TNFRSF21: variants seen among roughly 807,000 people sequenced by gnomAD.
TNFRSF21 encodes the protein tumor necrosis factor receptor superfamily member 21.
In TNFRSF21, 19 loss-of-function variants were observed where a neutral mutation model predicts 45.6. That is an observed-to-expected ratio of 0.42 (90% CI 0.29 to 0.61). The LOEUF is 0.61. Ranked by LOEUF, TNFRSF21 falls within the 20% of genes least tolerant of loss-of-function variation. TNFRSF21 has a pLI of 0.23. For synonymous variants in TNFRSF21, 314 were observed against 335.5 expected (o/e 0.94, Z 0.70); for missense variants, 737 against 851.5 (o/e 0.87, Z 1.67).
intron 3 of TNFRSF21, among the ~76,000 whole-genome samples, chr6:47,256,862 A>C (rs1764996479): frequency 6.6e-6 from 1 of 152,210 alleles, no homozygotes; most frequent in Non-Finnish European, 1.5e-5. Context: ...ACATGAAAAC[A>C]TGACCATGTT....
At chr6:47,292,636 T>C (rs1449813079) in intron 1 of TNFRSF21, among the ~76,000 whole-genome samples, 2 of 152,242 alleles carry the variant, frequency 1.3e-5, no homozygotes, top group East Asian at 3.8e-4. Context: ...TTTAATTGTT[T>C]TAATGTTGCC....
In TNFRSF21 at chr6:47,284,384, A is replaced by G; in HGVS notation, c.797T>C (p.Val266Ala). 6.5e-7 allele frequency: 1 copy of G among 1,534,364 alleles called. No individual in the cohort carries two copies. The highest frequency in any genetic ancestry group is 1.3e-5 in the South Asian group (1 of 76,514). Residue 266 changes from valine (V) to alanine (A), a missense_variant, in exon 3 of 6, where the codon GTA (valine) becomes GCA (alanine). Val to Ala is a moderately conservative substitution (Grantham distance 64). Transcript: ENST00000296861. ...SNSSASVRPK[V>A]LSSIQEGTVP... is the part of the protein sequence containing the mutation. ...TGTCCCTTCCTGGATGCTACTCAGT[A>G]CCTTTGGTCTAACAGAGGCAGAAGA...
chr6:47,279,209 T>G (rs1202765665), intron 3 of TNFRSF21, among the ~76,000 whole-genome samples: 1 of 152,156 alleles, frequency 6.6e-6, no homozygotes, highest in Non-Finnish European at 1.5e-5. Context: ...TCCTACTTTT[T>G]GCAAATAGTT....
At chr6:47,250,612 A>G (rs529281729) in intron 4 of TNFRSF21, among the ~76,000 whole-genome samples, 51 of 152,230 alleles carry the variant, frequency 3.4e-4, no homozygotes, top group African/African-American at 1.2e-3. Context: ...TTGACCATTG[A>G]AAAAAAATAG....
rs147538411 is a variant in TNFRSF21 at position 47,263,222 on chromosome 6, C to T, written c.1244-9701G>A. ...TCCTGAGCAAGTGGAAGACAGGGGA[C>T]CACTTTCTGTGATGGGCAATTGATG... On this transcript the variant is annotated intron_variant, in intron 3 of 5. Coordinates refer to ENST00000296861, the MANE Select transcript of TNFRSF21 (RefSeq NM_014452.5). Among the ~76,000 whole-genome samples, 1,222 of 152,188 alleles carry T rather than the reference C, an allele frequency of 8.0e-3. 9 individuals are homozygous for T. Among genetic ancestry groups the T allele is most frequent in the Middle Eastern group, 0.024 (7 of 294 alleles).
chr6:47,297,775 G>A (rs1488186474), intron 1 of TNFRSF21, among the ~76,000 whole-genome samples: 1 of 151,862 alleles, frequency 6.6e-6, no homozygotes. Flanking sequence ...CGCCTGCCTC[G>A]GCCTCCCAAA....
At chr6:47,266,900 C>T (rs1045785054) in intron 3 of TNFRSF21, among the ~76,000 whole-genome samples, 10 of 152,140 alleles carry the variant, frequency 6.6e-5, no homozygotes, top group African/African-American at 2.4e-4. Flanking sequence ...CACACATCTC[C>T]CAATAAGCAG....
chr6:47,272,812 T>C (rs4543372), intron 3 of TNFRSF21, among the ~76,000 whole-genome samples: 3 of 152,122 alleles, frequency 2.0e-5, no homozygotes, highest in African/African-American at 7.2e-5. Flanking sequence ...ATTGATGCAA[T>C]AAAAAATGAT....
chr6:47,239,535 A>G (rs1336790214), intron 4 of TNFRSF21, among the ~76,000 whole-genome samples: 2 of 152,204 alleles, frequency 1.3e-5, no homozygotes, highest in African/African-American at 4.8e-5. Context: ...AAGATCTGGC[A>G]GCATTCTTGG....
chr6:47,295,562 T>G (rs1329561611), intron 1 of TNFRSF21, among the ~76,000 whole-genome samples: 1 of 152,174 alleles, frequency 6.6e-6, no homozygotes, highest in African/African-American at 2.4e-5. Context: ...TGATAACAGA[T>G]GATCTAAAGG....
intron 5 of TNFRSF21, 32 bp downstream of exon 5, chr6:47,234,628 GGGGTTTAAGT>G (rs1764636010): frequency 1.3e-6 from 2 of 1,503,618 alleles, no homozygotes; most frequent in African/African-American, 2.8e-5. Context: ...GGCTCTTTGG[GGGGTTTAAGT>G]GCGTGTGTGA....
At chr6:47,282,506 G>A (rs1762584221) in intron 3 of TNFRSF21, among the ~76,000 whole-genome samples, 1 of 152,092 alleles carries the variant, frequency 6.6e-6, no homozygotes, top group Admixed American at 6.5e-5. Context: ...ATCAATAAGG[G>A]GAAGCAAAAT....
intron 3 of TNFRSF21, among the ~76,000 whole-genome samples, chr6:47,254,502 A>G (rs534269587): frequency 6.6e-6 from 1 of 152,340 alleles, no homozygotes; most frequent in African/African-American, 2.4e-5. Flanking sequence ...AGAGGCTCCC[A>G]TCTAAAAACA....
chr6:47,305,844 T>G (rs1240613711), intron 1 of TNFRSF21, among the ~76,000 whole-genome samples: 1 of 152,200 alleles, frequency 6.6e-6, no homozygotes, highest in Admixed American at 6.5e-5. Context: ...GCCAAAATCC[T>G]ACCTATGCAG....
chr6:47,265,107 A>G (rs1166209786), intron 3 of TNFRSF21, among the ~76,000 whole-genome samples: 2 of 152,212 alleles, frequency 1.3e-5, no homozygotes, highest in East Asian at 3.9e-4. Flanking sequence ...CAAGTTAAAC[A>G]GAAGGGAGTT....
At chr6:47,253,663 G>T in intron 3 of TNFRSF21, 142 bp from the exon 4 acceptor site, 1 of 946,604 alleles carries the variant, frequency 1.1e-6, no homozygotes, top group Non-Finnish European at 1.5e-6. Flanking sequence ...CCTCCCTTAA[G>T]CACTTGGCAC....
At chr6:47,276,959 TCCTA>T (rs1762507579) in intron 3 of TNFRSF21, among the ~76,000 whole-genome samples, 1 of 152,158 alleles carries the variant, frequency 6.6e-6, no homozygotes. Flanking sequence ...GCAGTGTTGC[TCCTA>T]CCTAAGTACA....
At chr6:47,299,786 AT>A (rs1196227570) in intron 1 of TNFRSF21, among the ~76,000 whole-genome samples, 1 of 152,164 alleles carries the variant, frequency 6.6e-6, no homozygotes, top group Non-Finnish European at 1.5e-5. Context: ...AAACTCCAAT[AT>A]TGGCAGGCTT....
chr6:47,242,488 A>C (rs1764759317), intron 4 of TNFRSF21, among the ~76,000 whole-genome samples: 1 of 152,212 alleles, frequency 6.6e-6, no homozygotes, highest in Non-Finnish European at 1.5e-5. Context: ...CATTTAAGTC[A>C]AAGTGTCAAT....
Sources: gnomAD v4.1 joint callset for allele counts (sites outside exome capture counted in the v4.1 genomes callset) on GRCh38, gnomAD v4.1.1 for gene constraint, MANE v1.5 for transcripts, NCBI Gene and HGNC (gene_info 2026-07-23, HGNC 2026-07-21) for gene names.